IRX2: variants seen among roughly 807,000 people sequenced by gnomAD.
IRX2 encodes the protein iroquois-class homeodomain protein IRX-2.
In IRX2, 26 loss-of-function variants were observed where a neutral mutation model predicts 42.9. The ratio of observed to expected loss-of-function variants is 0.61; its 90% confidence interval spans 0.44 to 0.84. The LOEUF (loss-of-function observed/expected upper bound fraction) is 0.84. Among genes scored for constraint, IRX2 ranks in the 40% least tolerant of loss-of-function variants. The pLI, the probability that IRX2 is intolerant of heterozygous loss-of-function variation, is 0.00. For missense variants in IRX2, 782 were observed against 713.9 expected, an observed-to-expected ratio of 1.10 and a Z score of -1.09; for synonymous variants, 424 against 353.9, an observed-to-expected ratio of 1.20 and a Z score of -2.22.
the IRX2 span, among the ~76,000 whole-genome samples, chr5:2,735,645 T>C: frequency 6.6e-6 from 1 of 152,226 alleles, no homozygotes; most frequent in Non-Finnish European, 1.5e-5. Context: ...TAACAAAATA[T>C]TTTTTAAAAA....
At position 2,749,379 on chromosome 5, in the gene IRX2, C is replaced by T. The variant is rs746850418; in HGVS notation, c.655+3G>A. ...GACCTTGCGCCGGCCGCTGCCCGCT[C>T]ACCTTCGTCCTCTGCCGAGGTCTCC... On this transcript the variant is annotated splice_donor_region_variant and intron_variant, in intron 2 of 3. Transcript: ENST00000302057. 1 of 1,590,842 alleles carries T rather than the reference C, an allele frequency of 6.3e-7. No homozygotes were observed. The highest frequency in any genetic ancestry group is 8.6e-7 in the Non-Finnish European group (1 of 1,169,020).
In IRX2 at chr5:2,748,901, G is replaced by T; in HGVS notation, c.807C>A (p.Asp269Glu). The change falls in exon 3 of 4, where the codon GAC (aspartate) becomes GAA (glutamate). Residue 269 changes from aspartate to glutamate, a missense_variant. Coordinates refer to ENST00000302057, the MANE Select transcript of IRX2 (RefSeq NM_033267.5). ...CCAGGCCCCGCTCGCCCTCCTCGTC[G>T]TCGTCCTCGTCGTCCTCCAGGTCGT... ...KYDDLEDDED[D>E]DEEGERGLAP... is the part of the protein sequence containing the mutation. 1.3e-6 allele frequency: 2 copies of T among 1,595,262 alleles called. No homozygotes were observed. Among genetic ancestry groups the T allele is most frequent in the Non-Finnish European group, 1.7e-6 (2 of 1,178,848 alleles).
rs796424759 is a variant in IRX2 at position 2,749,742 on chromosome 5, T to C, written c.295A>G (p.Ser99Gly). The C allele has an allele frequency of 6.2e-7, 1 of 1,612,900 alleles. No homozygotes were observed. Among genetic ancestry groups the C allele is most frequent in the Non-Finnish European group, 8.5e-7 (1 of 1,179,450 alleles). ...GCCGCGCTGCCGTACGGGTGGTAGC[T>C]GATGGCGCCGGTCATGCCGGTGGTG... is the stretch of plus-strand genomic sequence containing the variant. ...AHTTGMTGAI[S>G]YHPYGSAAYP... The change falls in exon 2 of 4, where the codon AGC becomes GGC. Residue 99 changes from serine to glycine, a missense_variant. This residue lies in a region of IRX2 where 256 missense variants were observed against 250.0 expected (regional missense o/e 1.02). Transcript: ENST00000302057.
In IRX2 at chr5:2,747,602, A is replaced by T; in HGVS notation, c.1378T>A (p.Cys460Ser). 6.2e-7 allele frequency: 1 copy of T among 1,614,032 alleles called. No individual in the cohort carries two copies. Among genetic ancestry groups the T allele is most frequent in the Non-Finnish European group, 8.5e-7 (1 of 1,179,974 alleles). ...TGGACGCCCCCGCCAACCACGGTGCAGCCCTCGCTGGCATCTGTCAGGGGA... is the reference window on the plus strand; with the variant it reads ...TGGACGCCCCCGCCAACCACGGTGCTGCCCTCGCTGGCATCTGTCAGGGGA... ...YEPKKDASEG[C>S]TVVGGGVQPY... Residue 460 changes from cysteine (C) to serine (S), a missense_variant, in exon 4 of 4, where the codon TGC becomes AGC. Cys to Ser is a moderately radical substitution (Grantham distance 112). This residue lies in a region of IRX2 where 520 missense variants were observed against 437.8 expected (regional missense o/e 1.19). Coordinates refer to ENST00000302057, the MANE Select transcript of IRX2 (RefSeq NM_033267.5).
At chr5:2,749,973 A>G (rs1308752500) in intron 1 of IRX2, among the ~76,000 whole-genome samples, 186 bp from the exon 2 acceptor site, 3 of 152,196 alleles carry the variant, frequency 2.0e-5, no homozygotes, top group African/African-American at 7.2e-5. Flanking sequence ...TTGATCACAA[A>G]AAGTACCGGA....
the IRX2 span, among the ~76,000 whole-genome samples, chr5:2,740,833 G>A: frequency 6.6e-6 from 1 of 152,216 alleles, no homozygotes; most frequent in African/African-American, 2.4e-5. Flanking sequence ...CGACAGCGGC[G>A]ACAGTGCACC....
In IRX2 at chr5:2,748,536, T is replaced by C. The variant is rs141521193; in HGVS notation, c.1172A>G (p.Asn391Ser). 7.8e-4 allele frequency: 1,227 copies of C among 1,579,210 alleles called. No individual in the cohort carries two copies. Among genetic ancestry groups the C allele is most frequent in the Middle Eastern group, 1.4e-3 (8 of 5,704 alleles). Residue 391 changes from asparagine (N) to serine (S), a missense_variant, in exon 3 of 4, where the codon AAC becomes AGC. By Grantham distance (46) the Asn-to-Ser change is conservative. Coordinates refer to ENST00000302057, the MANE Select transcript of IRX2 (RefSeq NM_033267.5). ...GTTCAAGTTCCCGTAGTTTGTGTAG[T>C]TGCCGTAGAAGGGCGACGTGTAGTA... ...PLYYTSPFYG[N>S]YTNYGNLNAA...
chr5:2,740,008 T>C, the IRX2 span, among the ~76,000 whole-genome samples: 1 of 151,858 alleles, frequency 6.6e-6, no homozygotes, highest in African/African-American at 2.4e-5. Flanking sequence ...CCTCGCGGGT[T>C]CTTCTGGGTC....
At position 2,748,697 on chromosome 5, in the gene IRX2, C is replaced by G. The variant is rs1737788571; in HGVS notation, c.1011G>C (p.Thr337=). The G allele has an allele frequency of 1.4e-6, 2 of 1,399,904 alleles. No homozygotes were observed. The highest frequency in any genetic ancestry group is 1.9e-6 in the Non-Finnish European group (2 of 1,077,844). The allele number at this position is 1,399,904 out of a possible 1,614,324, so 86.7% of individuals were successfully genotyped here. ...CCAGGCTCGGCTGCTTGAGGTCCGACGTGGCGATCTCGGCCAGCGACCACA... is the reference window on the plus strand; with the variant it reads ...CCAGGCTCGGCTGCTTGAGGTCCGAGGTGGCGATCTCGGCCAGCGACCACA... The part of the protein sequence containing the change: ...PKLWSLAEIA[T]SDLKQPSLGP... Residue 337 remains threonine, a synonymous_variant, in exon 3 of 4, where the codon ACG becomes ACC. Coordinates refer to ENST00000302057, the MANE Select transcript of IRX2 (RefSeq NM_033267.5).
downstream of IRX2, among the ~76,000 whole-genome samples, chr5:2,741,295 C>G (rs1579620020): frequency 6.6e-6 from 1 of 152,228 alleles, no homozygotes. Context: ...CCAGCAGTCT[C>G]AGTCCCACTA....
chr5:2,748,681 G>A lies in IRX2; in HGVS notation c.1027C>T (p.Pro343Ser). The A allele has an allele frequency of 1.4e-6, 2 of 1,394,482 alleles. No individual in the cohort carries two copies. The highest frequency in any genetic ancestry group is 1.6e-5 in the South Asian group (1 of 61,862). 86.4% of individuals were successfully genotyped at this position (1,394,482 alleles called of 1,614,324 possible). A position where few individuals can be genotyped will look rare whatever the true frequency, so the allele number is the denominator to read the frequency against. The change falls in exon 3 of 4, where the codon CCG becomes TCG. Residue 343 changes from proline (P) to serine (S), a missense_variant. Transcript: ENST00000302057. ...AEIATSDLKQ[P>S]SLGPGCGPPG... is the part of the protein sequence containing the mutation. ...GGCCCGCAGCCCGGGCCCAGGCTCGGCTGCTTGAGGTCCGACGTGGCGATC... is the reference window on the plus strand; with the variant it reads ...GGCCCGCAGCCCGGGCCCAGGCTCGACTGCTTGAGGTCCGACGTGGCGATC...
At chr5:2,736,470 A>G in the IRX2 span, among the ~76,000 whole-genome samples, 1 of 152,388 alleles carries the variant, frequency 6.6e-6, no homozygotes, top group East Asian at 1.9e-4. Flanking sequence ...ATTTTAATAG[A>G]AAGCTTTGAA....
rs1737985448 is a variant in IRX2, at chr5:2,751,481, A to C, written c.-68T>G. The C allele has an allele frequency of 2.0e-6, 2 of 981,972 alleles. No individual in the cohort carries two copies. Among genetic ancestry groups the C allele is most frequent in the Non-Finnish European group, 2.4e-6 (2 of 823,546 alleles). The allele number at this position is 981,972 out of a possible 1,614,324, so 60.8% of individuals were successfully genotyped here. A position where few individuals can be genotyped will look rare whatever the true frequency, so the allele number is the denominator to read the frequency against. ...GCAGGGCGCGCGGCGCCCTCCATCC[A>C]CGCCCGGCCGGGGCGCGGCGCGGCG... On this transcript the variant is annotated 5_prime_UTR_variant, in exon 1 of 4. Coordinates refer to ENST00000302057, the MANE Select transcript of IRX2 (RefSeq NM_033267.5). The surrounding 1 kb of genome is among the most constrained non-coding windows in gnomAD (Gnocchi z 4.0).
At chr5:2,736,232 C>T in the IRX2 span, among the ~76,000 whole-genome samples, 14 of 152,322 alleles carry the variant, frequency 9.2e-5, no homozygotes, top group African/African-American at 3.4e-4. Flanking sequence ...GGGATGCCTG[C>T]AGCCTTGCCC....
chr5:2,748,947 G>A lies in IRX2; in HGVS notation c.761C>T (p.Ser254Leu), dbSNP rs774153091. Residue 254 changes from serine to leucine, a missense_variant, in exon 3 of 4, where the codon TCG becomes TTG. By Grantham distance (145) the Ser-to-Leu change is moderately radical (BLOSUM62 -2). Around this residue, in one of 3 missense-constraint regions of IRX2, gnomAD observed 520 missense variants for 437.8 expected, o/e 1.19. Transcript: ENST00000302057. ...GTCGTCATACTTGTCCTTGCACTCC[G>A]AGCCCGATTCGCACAGGGGGTCCCC... is the stretch of plus-strand genomic sequence containing the variant. The part of the protein sequence containing the change: ...RAGDPLCESG[S>L]ECKDKYDDLE... The A allele has an allele frequency of 2.4e-5, 38 of 1,596,910 alleles. No homozygotes were observed. The highest frequency in any genetic ancestry group is 1.6e-4 in the Middle Eastern group (1 of 6,078).
chr5:2,750,923 G>A (rs189486179), intron 1 of IRX2, among the ~76,000 whole-genome samples: 2,590 of 152,106 alleles, frequency 0.017, 23 homozygotes, highest in African/African-American at 0.02. Context: ...GCGAGCCGAG[G>A]GGACGCGCGG....
chr5:2,738,768 T>C, the IRX2 span, among the ~76,000 whole-genome samples: 8 of 151,862 alleles, frequency 5.3e-5, no homozygotes, highest in African/African-American at 1.7e-4. Flanking sequence ...TCTCCCCACC[T>C]GCGGGAGGCC....
In IRX2 at chr5:2,747,437, T is replaced by G. The variant is rs1406938253; in HGVS notation, c.*127A>C. ...AAAGAAAAGCTGGACAAGATTGAAA[T>G]GCTCTGTCTTCTAACCCCATGACCA... is the stretch of plus-strand genomic sequence containing the variant. On this transcript the variant is annotated 3_prime_UTR_variant, in exon 4 of 4. Transcript: ENST00000302057. 2.7e-5 allele frequency: 18 copies of G among 675,314 alleles called. No individual in the cohort carries two copies. In the Admixed American group the frequency reaches 3.4e-4, roughly 13 times the overall value. 41.8% of individuals were successfully genotyped at this position (675,314 alleles called of 1,614,324 possible).
At position 2,748,972 on chromosome 5, in the gene IRX2, C is replaced by CA; in HGVS notation, c.735_736insT (p.Gly246TrpfsTer16). ...GAGCCCGATTCGCACAGGGGGTCCC[C>CA]GGCGCGGCACGGAAGCTTCTCCCCG... is the stretch of plus-strand genomic sequence containing the variant. On this transcript the variant is annotated frameshift_variant, in exon 3 of 4. Transcript: ENST00000302057. LOFTEE classifies it high-confidence loss of function. The CA allele has an allele frequency of 6.3e-7, 1 of 1,597,384 alleles. No individual in the cohort carries two copies. Among genetic ancestry groups the CA allele is most frequent in the Non-Finnish European group, 8.5e-7 (1 of 1,179,512 alleles).
Sources: gnomAD v4.1 joint callset for allele counts (sites outside exome capture counted in the v4.1 genomes callset) on GRCh38, gnomAD v4.1.1 for gene constraint, gnomAD v4.1.1 regional missense constraint, Gnocchi (gnomAD v3.1) non-coding constraint, MANE v1.5 for transcripts, NCBI Gene and HGNC (gene_info 2026-07-23, HGNC 2026-07-21) for gene names.